The following NRG1 variants were observed in gnomAD, a reference collection of about 807,000 sequenced individuals.
NRG1 encodes the protein neuregulin 1.
In NRG1, 18 loss-of-function variants were observed where a neutral mutation model predicts 63.8. The ratio of observed to expected loss-of-function variants is 0.28; its 90% CI spans 0.19 to 0.42. The LOEUF is 0.42. Among genes scored for constraint, NRG1 ranks in the 10% least tolerant of loss-of-function variants. The pLI is 1.00. For missense variants in NRG1, 762 were observed against 814.7 expected (o/e 0.94, Z 0.79); for synonymous variants, 302 against 301.3 (o/e 1.00, Z -0.02).
upstream of NRG1, among the ~76,000 whole-genome samples, chr8:32,546,396 C>CCA (rs1314366425): frequency 6.6e-6 from 1 of 151,898 alleles, no homozygotes; most frequent in African/African-American, 2.4e-5. Context: ...AACATAATGC[C>CCA]ATGTTAGAGA....
intron 1 of NRG1, among the ~76,000 whole-genome samples, chr8:31,702,123 T>C (rs1381575259): frequency 6.6e-6 from 1 of 152,252 alleles, no homozygotes; most frequent in Non-Finnish European, 1.5e-5. Flanking sequence ...TTTTCTACTG[T>C]CACTGGGCTT....
intron 1 of NRG1, among the ~76,000 whole-genome samples, chr8:32,041,091 T>C (rs937428137): frequency 1.7e-4 from 26 of 152,120 alleles, no homozygotes; most frequent in African/African-American, 5.8e-4. Context: ...ATTTTACTTA[T>C]GGATAACTTC....
intron 5 of NRG1, among the ~76,000 whole-genome samples, chr8:32,659,206 G>A (rs564963729): frequency 1.0e-4 from 15 of 148,990 alleles, no homozygotes; most frequent in East Asian, 2.0e-4. Flanking sequence ...GTACAGTGGC[G>A]TAGCCTTGGC....
rs114434235 is a variant in NRG1 at position 32,643,576 on chromosome 8, G to A, written c.502+26691G>A. The stretch of plus-strand genomic sequence containing the variant: ...AGCACCAGCTGACGTCAAATGAAGC[G>A]GAAGAACCACTCAGCTGAACCCAGT... On this transcript the variant is annotated intron_variant, in intron 5 of 11. Transcript: ENST00000356819. Among the ~76,000 whole-genome samples the A allele has an allele frequency of 3.3e-3, 509 of 152,276 alleles. 3 individuals carry two copies. The highest frequency in any genetic ancestry group is 0.012 in the African/African-American group (478 of 41,546).
At chr8:32,315,678 C>A (rs890245251) in intron 1 of NRG1, among the ~76,000 whole-genome samples, 1 of 152,184 alleles carries the variant, frequency 6.6e-6, no homozygotes, top group African/African-American at 2.4e-5. Context: ...AACATGGAAT[C>A]TGACACCTGC....
chr8:31,762,102 T>TA (rs1817621792), intron 1 of NRG1, among the ~76,000 whole-genome samples: 2 of 152,290 alleles, frequency 1.3e-5, no homozygotes, highest in African/African-American at 2.4e-5. Context: ...AAATTTCTTC[T>TA]AAAAAAACAG....
chr8:32,601,205 A>AT (rs1253375783), intron 2 of NRG1, among the ~76,000 whole-genome samples: 1 of 152,128 alleles, frequency 6.6e-6, no homozygotes, highest in Non-Finnish European at 1.5e-5. Context: ...TTTCTATTGA[A>AT]TTGCAAAAAG....
At chr8:32,259,045 C>T (rs1010942381) in intron 1 of NRG1, among the ~76,000 whole-genome samples, 5 of 152,104 alleles carry the variant, frequency 3.3e-5, no homozygotes, top group African/African-American at 9.7e-5. Flanking sequence ...TACTTGACTC[C>T]GGGTTATAGA....
intron 1 of NRG1, among the ~76,000 whole-genome samples, chr8:32,172,081 C>A (rs1315677536): frequency 6.6e-6 from 1 of 152,182 alleles, no homozygotes; most frequent in Non-Finnish European, 1.5e-5. Context: ...AGTAGCCTAA[C>A]TGGGAGGCAC....
At chr8:32,490,793 G>A (rs988958110) in intron 1 of NRG1, among the ~76,000 whole-genome samples, 4 of 151,986 alleles carry the variant, frequency 2.6e-5, no homozygotes, top group Non-Finnish European at 5.9e-5. Context: ...ACCTAAAAAA[G>A]TAGCCAAGTT....
chr8:31,642,173 T>A lies in NRG1; in HGVS notation c.37+2742T>A, dbSNP rs144758545. Among the ~76,000 whole-genome samples, 16 of 152,172 alleles carry A rather than the reference T, an allele frequency of 1.1e-4. No individual in the cohort carries two copies. The South Asian group carries it at 1.7e-3, about 16-fold the overall frequency. On this transcript the variant is annotated intron_variant, in intron 1 of 10. Transcript: ENST00000519301. ...ATGGGAAATGCTCTGCTGGGAGCTG[T>A]CTTATTAGGCAACCGAAAAGCTCAG...
chr8:32,513,414 GAA>G (rs138317310), intron 1 of NRG1, among the ~76,000 whole-genome samples: 187 of 134,830 alleles, frequency 1.4e-3, no homozygotes, highest in African/African-American at 4.4e-3. Flanking sequence ...TAGCTCTTCC[GAA>G]AAAAAAAAAA....
At chr8:31,802,285 T>G (rs1821866515) in intron 1 of NRG1, among the ~76,000 whole-genome samples, 1 of 152,314 alleles carries the variant, frequency 6.6e-6, no homozygotes. Context: ...CTGACTTTAC[T>G]TCATGCTACA....
chr8:32,098,042 A>C (rs757120226), intron 1 of NRG1, among the ~76,000 whole-genome samples: 3 of 152,202 alleles, frequency 2.0e-5, no homozygotes, highest in Non-Finnish European at 2.9e-5. Context: ...AAGAGGGATC[A>C]AAACCAAGCC....
At chr8:31,840,924 G>C (rs1411474891) in intron 1 of NRG1, among the ~76,000 whole-genome samples, 4 of 152,064 alleles carry the variant, frequency 2.6e-5, no homozygotes, top group Non-Finnish European at 4.4e-5. Context: ...TTTTTTCTTA[G>C]TTTGGGTTTA....
chr8:31,640,765 C>T lies in NRG1; in HGVS notation c.37+1334C>T. The T allele has an allele frequency of 1.4e-6, 2 of 1,461,264 alleles. No homozygotes were observed. The highest frequency in any genetic ancestry group is 1.4e-5 in the South Asian group (1 of 70,516). 90.5% of individuals were successfully genotyped at this position (1,461,264 alleles called of 1,614,324 possible). ...CGCCCTTGGGGGCGCGAACCCGCGGCGAGGAGGGCGCATCCCGGGCGCGCG... is the reference window on the plus strand; with the variant it reads ...CGCCCTTGGGGGCGCGAACCCGCGGTGAGGAGGGCGCATCCCGGGCGCGCG... On this transcript the variant is annotated intron_variant, in intron 1 of 10. Coordinates refer to the NRG1 transcript ENST00000519301. The surrounding 1 kb of genome is among the most constrained non-coding windows in gnomAD (Gnocchi z 6.3).
chr8:31,836,689 C>T (rs1016519862), intron 1 of NRG1, among the ~76,000 whole-genome samples: 11 of 152,010 alleles, frequency 7.2e-5, no homozygotes, highest in African/African-American at 2.2e-4. Flanking sequence ...GCATCCCTAT[C>T]GATGAATATT....
intron 1 of NRG1, among the ~76,000 whole-genome samples, chr8:32,355,988 A>G (rs1806335938): frequency 6.6e-6 from 1 of 152,120 alleles, no homozygotes. Context: ...TGTGTATAAC[A>G]GTGAGGAGAC....
At chr8:32,617,086 A>G (rs1847505152) in intron 5 of NRG1, among the ~76,000 whole-genome samples, 1 of 152,160 alleles carries the variant, frequency 6.6e-6, no homozygotes, top group African/African-American at 2.4e-5. Context: ...CCCAATATAC[A>G]TAAGAATATT....
Sources: gnomAD v4.1 joint callset for allele counts (sites outside exome capture counted in the v4.1 genomes callset) on GRCh38, gnomAD v4.1.1 for gene constraint, Gnocchi (gnomAD v3.1) non-coding constraint, MANE v1.5 for transcripts, NCBI Gene and HGNC (gene_info 2026-07-23, HGNC 2026-07-21) for gene names.